Variants in GMDS observed in about 807,000 individuals in gnomAD.
The protein encoded by GMDS is GDP-mannose 4,6-dehydratase.
Under a neutral mutation model 49.9 loss-of-function variants are expected in GMDS, and 20 were observed. The observed-to-expected ratio is 0.40, with a 90% confidence interval of 0.28 to 0.58. The LOEUF is 0.58. Among genes scored for constraint, GMDS ranks in the 20% least tolerant of loss-of-function variants. The pLI is 0.42. For synonymous variants in GMDS, 177 were observed against 178.6 expected, an observed-to-expected ratio of 0.99 and a Z score of 0.07; for missense variants, 362 against 481.4, an observed-to-expected ratio of 0.75 and a Z score of 2.32.
At chr6:1,814,450 C>T (rs980079384) in intron 7 of GMDS, among the ~76,000 whole-genome samples, 5 of 152,016 alleles carry the variant, frequency 3.3e-5, no homozygotes, top group Admixed American at 2.0e-4. Flanking sequence ...AAAAACGCAG[C>T]TGCCTTTGGA....
At chr6:1,995,744 A>G (rs1457020324) in intron 4 of GMDS, among the ~76,000 whole-genome samples, 1 of 152,166 alleles carries the variant, frequency 6.6e-6, no homozygotes, top group East Asian at 1.9e-4. Flanking sequence ...AGCCAGTCCT[A>G]TGGCTCAGGG....
chr6:1,730,430 T>C (rs1766745733), intron 8 of GMDS, among the ~76,000 whole-genome samples: 2 of 152,254 alleles, frequency 1.3e-5, no homozygotes, highest in South Asian at 2.1e-4. Context: ...CAATTTACAC[T>C]TGCAGAAGTT....
At chr6:2,136,906 C>CAAAAAAAAAA (rs3049649) in intron 1 of GMDS, among the ~76,000 whole-genome samples, 2 of 127,964 alleles carry the variant, frequency 1.6e-5, no homozygotes, top group Non-Finnish European at 3.3e-5. Flanking sequence ...TCATTTCAAA[C>CAAAAAAAAAA]AAAAAAAAAA....
intron 7 of GMDS, among the ~76,000 whole-genome samples, chr6:1,870,286 T>C (rs74484800): frequency 0.03 from 4,552 of 152,272 alleles, 222 homozygotes; most frequent in African/African-American, 0.1. Flanking sequence ...CACTGGACAC[T>C]GAGTAAGAAA....
intron 4 of GMDS, among the ~76,000 whole-genome samples, chr6:2,029,215 T>G (rs1768806795): frequency 6.6e-6 from 1 of 152,142 alleles, no homozygotes; most frequent in African/African-American, 2.4e-5. Context: ...CATCTCTGCC[T>G]GTGTCTGTGT....
At chr6:2,206,501 T>C (rs778141387) in intron 1 of GMDS, among the ~76,000 whole-genome samples, 68 of 152,138 alleles carry the variant, frequency 4.5e-4, no homozygotes, top group Admixed American at 1.6e-3. Context: ...CATTCAGTAG[T>C]AAATAAGAGG....
intron 7 of GMDS, among the ~76,000 whole-genome samples, chr6:1,794,255 T>C (rs1035652024): frequency 3.9e-5 from 6 of 152,174 alleles, no homozygotes; most frequent in African/African-American, 1.4e-4. Flanking sequence ...CATTTACGTA[T>C]GTCTACTCTA....
chr6:2,163,823 A>C (rs533300238), intron 1 of GMDS, among the ~76,000 whole-genome samples: 2 of 152,310 alleles, frequency 1.3e-5, no homozygotes, highest in East Asian at 3.9e-4. Context: ...TAGGTTTCCC[A>C]ATTCAGTGAC....
At chr6:1,650,912 T>G (rs553445558) in intron 9 of GMDS, among the ~76,000 whole-genome samples, 1 of 152,168 alleles carries the variant, frequency 6.6e-6, no homozygotes, top group Non-Finnish European at 1.5e-5. Flanking sequence ...ACTCTTAAGA[T>G]TAAATGCTCT....
Position 1,742,555 on chromosome 6 carries a change from G to T in GMDS, c.803C>A (p.Pro268Gln). The part of the protein sequence containing the change: ...AMWLMLQNDE[P>Q]EDFVIATGEV... ...CCCAGTAGCTATAACGAAGTCCTCCGGCTCATCATTCTGCAACATCAACCA... is the reference window on the plus strand; with the variant it reads ...CCCAGTAGCTATAACGAAGTCCTCCTGCTCATCATTCTGCAACATCAACCA... The change falls in exon 8 of 11, where the codon CCG (proline) becomes CAG (glutamine). Residue 268 changes from proline to glutamine, a missense_variant. Transcript: ENST00000380815. 6.2e-7 allele frequency: 1 copy of T among 1,610,330 alleles called. No individual in the cohort carries two copies. The highest frequency in any genetic ancestry group is 8.5e-7 in the Non-Finnish European group (1 of 1,176,696).
At chr6:1,910,626 GA>G (rs1208933357) in intron 7 of GMDS, among the ~76,000 whole-genome samples, 1 of 152,186 alleles carries the variant, frequency 6.6e-6, no homozygotes, top group African/African-American at 2.4e-5. Flanking sequence ...GCAGCAGGAA[GA>G]GGCTGAGGAC....
chr6:1,667,507 A>G (rs974743840), intron 9 of GMDS, among the ~76,000 whole-genome samples: 5 of 152,206 alleles, frequency 3.3e-5, no homozygotes, highest in African/African-American at 1.2e-4. Flanking sequence ...AAGCTGACTA[A>G]GCCTAAACAT....
At chr6:1,736,454 T>G (rs1767004384) in intron 8 of GMDS, among the ~76,000 whole-genome samples, 1 of 152,224 alleles carries the variant, frequency 6.6e-6, no homozygotes, top group South Asian at 2.1e-4. Flanking sequence ...CTCTTGAAGG[T>G]GTGAGTCCCT....
intron 7 of GMDS, among the ~76,000 whole-genome samples, chr6:1,751,442 T>G (rs1767726897): frequency 6.6e-6 from 1 of 152,034 alleles, no homozygotes; most frequent in Non-Finnish European, 1.5e-5. Context: ...GGGTCTGGAG[T>G]GGACCTCCAG....
intron 9 of GMDS, among the ~76,000 whole-genome samples, chr6:1,657,388 G>C (rs1324277517): frequency 1.3e-5 from 2 of 152,206 alleles, no homozygotes; most frequent in East Asian, 3.8e-4. Flanking sequence ...GGCTGTGCCT[G>C]AAGACAGCAG....
At chr6:2,067,513 G>T (rs866331918) in intron 4 of GMDS, among the ~76,000 whole-genome samples, 3 of 152,048 alleles carry the variant, frequency 2.0e-5, no homozygotes, top group African/African-American at 7.2e-5. Context: ...TTGATAAACC[G>T]CTAGCAAGAC....
At chr6:1,739,365 C>A (rs1176047792) in intron 8 of GMDS, among the ~76,000 whole-genome samples, 2 of 152,236 alleles carry the variant, frequency 1.3e-5, no homozygotes, top group African/African-American at 2.4e-5. Context: ...TGGCATGCCT[C>A]CAGGCTCGCC....
intron 1 of GMDS, among the ~76,000 whole-genome samples, chr6:2,177,949 T>A (rs962203796): frequency 3.9e-5 from 6 of 152,300 alleles, no homozygotes; most frequent in African/African-American, 1.4e-4. Context: ...GGAATACTAT[T>A]CAGCCATAAA....
At chr6:1,754,868 T>G (rs1581142988) in intron 7 of GMDS, among the ~76,000 whole-genome samples, 1 of 152,100 alleles carries the variant, frequency 6.6e-6, no homozygotes, top group Admixed American at 6.6e-5. Flanking sequence ...AGGTACTGAT[T>G]GAACGTATCT....
Sources: gnomAD v4.1 joint callset for allele counts (sites outside exome capture counted in the v4.1 genomes callset) on GRCh38, gnomAD v4.1.1 for gene constraint, MANE v1.5 for transcripts, NCBI Gene and HGNC (gene_info 2026-07-23, HGNC 2026-07-21) for gene names.